The following SASH1 variants were observed in gnomAD, a reference collection of about 807,000 sequenced individuals.
SASH1 encodes SAM and SH3 domain containing 1.
SASH1 carries 44 observed loss-of-function variants against 125.2 expected under a neutral mutation model. That is an observed-to-expected ratio of 0.35 (90% CI 0.28 to 0.45). SASH1 has a LOEUF of 0.45. Among genes scored for constraint, SASH1 ranks in the 20% least tolerant of loss-of-function variants. The pLI is 1.00. For synonymous variants in SASH1, 639 were observed against 649.1 expected (o/e 0.98, Z 0.24); for missense variants, 1,426 against 1,614.5 (o/e 0.88, Z 2.00).
At chr6:148,279,659 T>C (rs2128505118) in intron 1 of SASH1, among the ~76,000 whole-genome samples, 1 of 152,284 alleles carries the variant, frequency 6.6e-6, no homozygotes, top group East Asian at 1.9e-4. Flanking sequence ...GCTCTGAGAA[T>C]TCAATGAAAT....
At chr6:148,468,490 A>G (rs1583209302) in intron 4 of SASH1, 55 bp from the exon 5 acceptor site, 3 of 1,346,976 alleles carry the variant, frequency 2.2e-6, no homozygotes, top group Non-Finnish European at 3.2e-6. Context: ...GAGGATTTTC[A>G]GTTCTCCCAT....
At chr6:148,370,836 A>T (rs1782678586) in intron 1 of SASH1, among the ~76,000 whole-genome samples, 1 of 152,116 alleles carries the variant, frequency 6.6e-6, no homozygotes, top group African/African-American at 2.4e-5. Flanking sequence ...AAAACAAAAG[A>T]CAAAACAAAA....
rs939069320 is a variant in SASH1 at position 148,351,343 on chromosome 6, A to C, written c.156+8120A>C. On this transcript the variant is annotated intron_variant, in intron 1 of 19. Transcript: ENST00000367467. ...GTATTTATGTTTGCTCTTCAGACTAATGTTCTCTGTGTTCACAGAGATACA... is the reference window on the plus strand; with the variant it reads ...GTATTTATGTTTGCTCTTCAGACTACTGTTCTCTGTGTTCACAGAGATACA... Among the ~76,000 whole-genome samples the C allele has an allele frequency of 2.6e-5, 4 of 152,180 alleles. No homozygotes were observed. The South Asian group carries it at 8.3e-4, about 32-fold the overall frequency.
At chr6:148,430,570 G>A (rs902150675) in intron 2 of SASH1, among the ~76,000 whole-genome samples, 1 of 152,172 alleles carries the variant, frequency 6.6e-6, no homozygotes, top group Non-Finnish European at 1.5e-5. Flanking sequence ...GACCTCAAGC[G>A]ATCCACCCGC....
chr6:148,545,965 A>C (rs1782531572), intron 18 of SASH1, 50 bp from the exon 19 acceptor site: 2 of 1,587,592 alleles, frequency 1.3e-6, no homozygotes, highest in Non-Finnish European at 8.6e-7. Context: ...AGGGAAAGAA[A>C]AACAAAATCC....
At chr6:148,283,550 T>A (rs1428840792) in intron 1 of SASH1, 1 of 152,156 alleles carries the variant, frequency 6.6e-6, no homozygotes, top group Non-Finnish European at 1.5e-5. Context: ...GGAGGATGGG[T>A]CAACTGACGT....
At position 148,516,535 on chromosome 6, in the gene SASH1, G is replaced by T. The variant is rs1006961747; in HGVS notation, c.862+2079G>T. ...TCCCCCGCCCTTGGACTTACAAAGGGTTGATCCTTTGACTTCCTGCGTGCC... is the reference window on the plus strand; with the variant it reads ...TCCCCCGCCCTTGGACTTACAAAGGTTTGATCCTTTGACTTCCTGCGTGCC... On this transcript the variant is annotated intron_variant, in intron 9 of 19. Transcript: ENST00000367467. Among the ~76,000 whole-genome samples the T allele has an allele frequency of 2.4e-5, 3 of 125,774 alleles. No individual in the cohort carries two copies. The Admixed American group carries it at 3.3e-4, about 14-fold the overall frequency. 82.5% of individuals were successfully genotyped at this position (125,774 alleles called of 152,430 possible). A position where few individuals can be genotyped will look rare whatever the true frequency, so the allele number is the denominator to read the frequency against.
chr6:148,421,600 A>G (rs1235675139), intron 2 of SASH1, among the ~76,000 whole-genome samples: 1 of 152,230 alleles, frequency 6.6e-6, no homozygotes, highest in Admixed American at 6.5e-5. Context: ...CACTGTGCCC[A>G]GCCAGGGCCA....
chr6:148,214,634 C>A, the SASH1 span, among the ~76,000 whole-genome samples: 1 of 152,170 alleles, frequency 6.6e-6, no homozygotes, highest in African/African-American at 2.4e-5. Flanking sequence ...CACCAGATCC[C>A]TCTCCAACAT....
At chr6:148,204,553 A>G in the SASH1 span, among the ~76,000 whole-genome samples, 1 of 152,142 alleles carries the variant, frequency 6.6e-6, no homozygotes, top group African/African-American at 2.4e-5. Flanking sequence ...TTAGCCAGGC[A>G]TGGTGGCAGG....
At position 148,481,907 on chromosome 6, in the gene SASH1, C is replaced by T. The variant is rs189539082; in HGVS notation, c.628-5707C>T. On this transcript the variant is annotated intron_variant, in intron 7 of 19. Coordinates refer to ENST00000367467, the MANE Select transcript of SASH1 (RefSeq NM_015278.5). Reference sequence around the variant, plus strand: ...GATAAACTCGTTCGATGCAGGGCTGCCACAAACCTTCAGTTTGTAAAATGC... The same window carrying T: ...GATAAACTCGTTCGATGCAGGGCTGTCACAAACCTTCAGTTTGTAAAATGC... 3.1e-4 allele frequency among the ~76,000 whole-genome samples: 47 copies of T among 152,270 alleles called. 1 individual carries two copies. In the East Asian group the frequency reaches 8.5e-3, roughly 27 times the overall value.
intron 11 of SASH1, among the ~76,000 whole-genome samples, chr6:148,526,440 AT>A (rs1356122345): frequency 6.6e-6 from 1 of 152,130 alleles, no homozygotes; most frequent in African/African-American, 2.4e-5. Context: ...CATGTTTCAT[AT>A]TTGTTATGAT....
intron 4 of SASH1, among the ~76,000 whole-genome samples, chr6:148,462,302 T>TTTTC (rs558572700): frequency 2.4e-4 from 29 of 121,006 alleles, no homozygotes; most frequent in African/African-American, 8.2e-4. Context: ...TTTTCTTTTC[T>TTTTC]TTTTTTTTTT....
At chr6:148,248,704 C>G in the SASH1 span, among the ~76,000 whole-genome samples, 2 of 152,188 alleles carry the variant, frequency 1.3e-5, no homozygotes, top group Non-Finnish European at 2.9e-5. Flanking sequence ...AGTCACTTCC[C>G]CCCACAAGCC....
intron 1 of SASH1, among the ~76,000 whole-genome samples, chr6:148,335,840 G>A (rs1331149943): frequency 6.6e-6 from 1 of 152,110 alleles, no homozygotes; most frequent in Admixed American, 6.6e-5. Context: ...CTCAGCAACG[G>A]CATTCCAGAG....
chr6:148,235,761 T>C, the SASH1 span, among the ~76,000 whole-genome samples: 3 of 152,166 alleles, frequency 2.0e-5, no homozygotes, highest in Non-Finnish European at 4.4e-5. Context: ...GTTAAGACCT[T>C]GACTCTCACA....
At chr6:148,418,098 G>GTATA (rs1784901944) in intron 2 of SASH1, among the ~76,000 whole-genome samples, 1 of 152,134 alleles carries the variant, frequency 6.6e-6, no homozygotes, top group South Asian at 2.1e-4. Flanking sequence ...GGCTTATGAG[G>GTATA]TATATAGATG....
intron 2 of SASH1, among the ~76,000 whole-genome samples, chr6:148,410,362 G>C (rs1784575034): frequency 6.6e-6 from 1 of 151,922 alleles, no homozygotes; most frequent in Admixed American, 6.6e-5. Context: ...GCCTGCCTCG[G>C]CCTCCCAACA....
chr6:148,447,763 T>C (rs1776870842), intron 4 of SASH1, among the ~76,000 whole-genome samples: 1 of 151,696 alleles, frequency 6.6e-6, no homozygotes, highest in Admixed American at 6.6e-5. Flanking sequence ...CTCGTCCTCC[T>C]CTTCCTCTGT....
Sources: allele counts gnomAD v4.1 joint callset (sites outside exome capture counted in the v4.1 genomes callset), GRCh38; gene constraint gnomAD v4.1.1; transcripts MANE v1.5; gene names NCBI Gene and HGNC (gene_info 2026-07-23, HGNC 2026-07-21).